The following CUL5 variants were observed in gnomAD, a reference collection of about 807,000 sequenced individuals.
CUL5 encodes cullin 5.
In CUL5, 26 loss-of-function variants were observed where a neutral mutation model predicts 108.8. The observed-to-expected ratio is 0.24, with a 90% CI of 0.18 to 0.33. The LOEUF (loss-of-function observed/expected upper bound fraction) is 0.33, where lower values mean the gene tolerates loss of function less well. CUL5 is among the 10% of genes least tolerant of loss of function. CUL5 has a pLI of 1.00. For missense variants in CUL5, 524 were observed against 909.2 expected (o/e 0.58, Z 5.45); for synonymous variants, 334 against 298.0 (o/e 1.12, Z -1.25).
chr11:108,071,888 AT>A (rs945667876), intron 8 of CUL5, among the ~76,000 whole-genome samples: 5 of 152,034 alleles, frequency 3.3e-5, no homozygotes, highest in Non-Finnish European at 7.4e-5. Context: ...TTTAAACATA[AT>A]TTTTAGACTA....
chr11:108,081,227 G>A (rs954149922), intron 11 of CUL5, among the ~76,000 whole-genome samples: 4 of 151,954 alleles, frequency 2.6e-5, no homozygotes, highest in East Asian at 3.9e-4. Context: ...GGTGGAGGTC[G>A]CAGTGAGCCG....
chr11:108,086,002 A>G (rs1269072202), intron 11 of CUL5, among the ~76,000 whole-genome samples: 4 of 152,248 alleles, frequency 2.6e-5, no homozygotes, highest in East Asian at 3.8e-4. Flanking sequence ...ATAAATAGCA[A>G]TGAAGATATA....
Position 108,106,279 on chromosome 11 carries a change from C to A in CUL5, c.*1895C>A, listed in dbSNP as rs1231545675. 6.6e-6 allele frequency: 1 copy of A among 152,438 alleles called. No individual in the cohort carries two copies. Among genetic ancestry groups the A allele is most frequent in the Non-Finnish European group, 1.5e-5 (1 of 67,966 alleles). The allele number at this position is 152,438 out of a possible 1,614,324, so 9.4% of individuals were successfully genotyped here. On this transcript the variant is annotated 3_prime_UTR_variant, in exon 19 of 19. Coordinates refer to ENST00000393094, the MANE Select transcript of CUL5 (RefSeq NM_003478.6). ...AGGAGGAAACAGGAAAAATTGCCGT[C>A]CATTTTAAAAATTTAGGTTTGTTGT...
chr11:108,033,157 C>A (rs1304869440), intron 1 of CUL5, among the ~76,000 whole-genome samples: 1 of 152,130 alleles, frequency 6.6e-6, no homozygotes, highest in African/African-American at 2.4e-5. Flanking sequence ...GTTCCAAATG[C>A]GAGCTTATCT....
Position 108,105,175 on chromosome 11 carries a change from T to C in CUL5, c.*791T>C, listed in dbSNP as rs573596491. The C allele has an allele frequency of 1.3e-5, 2 of 152,308 alleles. No individual in the cohort carries two copies. Among genetic ancestry groups the C allele is most frequent in the African/African-American group, 4.8e-5 (2 of 41,558 alleles). 9.4% of individuals were successfully genotyped at this position (152,308 alleles called of 1,614,324 possible). A position where few individuals can be genotyped will look rare whatever the true frequency, so the allele number is the denominator to read the frequency against. Reference sequence around the variant, plus strand: ...ATTTATGGAGATAGGTAGGTCATTATGATTGCAGAGCCAAAATAGCAAAAC... The same window carrying C: ...ATTTATGGAGATAGGTAGGTCATTACGATTGCAGAGCCAAAATAGCAAAAC... On this transcript the variant is annotated 3_prime_UTR_variant, in exon 19 of 19. Transcript: ENST00000393094.
chr11:108,042,511 T>G (rs773702013), intron 2 of CUL5, among the ~76,000 whole-genome samples: 1 of 152,088 alleles, frequency 6.6e-6, no homozygotes, highest in Non-Finnish European at 1.5e-5. Flanking sequence ...CTTGAGCCAC[T>G]GCACCTGGCC....
intron 1 of CUL5, among the ~76,000 whole-genome samples, chr11:108,016,237 C>G (rs1455557643): frequency 7.8e-6 from 1 of 128,530 alleles, no homozygotes; most frequent in East Asian, 2.0e-4. Flanking sequence ...TTTCTTTTCT[C>G]TTCTCTTCTC....
At position 108,054,893 on chromosome 11, in the gene CUL5, G is replaced by A; in HGVS notation, c.718G>A (p.Glu240Lys). The change falls in exon 7 of 19, where the codon GAA becomes AAA. Residue 240 changes from glutamate (E) to lysine (K), a missense_variant. Glu to Lys is a moderately conservative substitution (Grantham distance 56). Transcript: ENST00000393094. ...TGGACAGGCAGATGCTAAATTAAAA[G>A]AAGAAGAAAAACGAGCACTACGTTA... ...YMKYADAKLK[E>K]EEKRALRYLE... The A allele has an allele frequency of 6.2e-7, 1 of 1,608,306 alleles. No homozygotes were observed.
At chr11:108,096,623 A>G (rs138193887) in intron 16 of CUL5, among the ~76,000 whole-genome samples, 8,391 of 123,782 alleles carry the variant, frequency 0.068, 353 homozygotes, top group Middle Eastern at 0.11. Flanking sequence ...CTGGAGTGCA[A>G]TGGCGCAATC....
At chr11:108,020,723 C>G (rs1173611017) in intron 1 of CUL5, among the ~76,000 whole-genome samples, 2 of 151,818 alleles carry the variant, frequency 1.3e-5, no homozygotes, top group Non-Finnish European at 2.9e-5. Context: ...ACAAAAAAGT[C>G]AAAGTTTCCC....
At chr11:108,080,439 A>G (rs944689178) in intron 11 of CUL5, among the ~76,000 whole-genome samples, 3 of 151,842 alleles carry the variant, frequency 2.0e-5, no homozygotes, top group Non-Finnish European at 4.4e-5. Flanking sequence ...CTCTATCTCC[A>G]GGCTGGAGTG....
rs565123064 is a variant in CUL5 at position 108,094,849 on chromosome 11, C to T, written c.1605C>T (p.Ala535=). ...ATATAAAAATTCTGAATGCTGGCGC[C>T]TGGTCAAGAAGTTCTGAGAAAGTCT... ...SVNIKILNAG[A]WSRSSEKVFV... is the part of the protein sequence containing the mutation. Residue 535 remains alanine (A), a synonymous_variant, in exon 15 of 19, where the codon GCC becomes GCT. Transcript: ENST00000393094. The T allele has an allele frequency of 1.7e-5, 28 of 1,608,238 alleles. 1 individual carries two copies. The South Asian group carries it at 2.1e-4, about 12-fold the overall frequency.
chr11:108,049,988 T>C lies in CUL5; in HGVS notation c.333T>C (p.Phe111=). The C allele has an allele frequency of 6.2e-7, 1 of 1,613,800 alleles. No homozygotes were observed. The highest frequency in any genetic ancestry group is 8.5e-7 in the Non-Finnish European group (1 of 1,179,768). The stretch of plus-strand genomic sequence containing the variant: ...AATGTGATATTTTACCAAAACCTTT[T>C]TGTCAACTAGAGATTACTTTAATGG... The part of the protein sequence containing the change: ...FTQCDILPKP[F]CQLEITLMGK... Residue 111 remains phenylalanine, a synonymous_variant, in exon 4 of 19, where the codon TTT becomes TTC. Transcript: ENST00000393094.
At position 108,073,408 on chromosome 11, in the gene CUL5, G is replaced by T; in HGVS notation, c.1024G>T (p.Glu342Ter). 6.4e-7 allele frequency: 1 copy of T among 1,561,336 alleles called. No homozygotes were observed. The highest frequency in any genetic ancestry group is 8.7e-7 in the Non-Finnish European group (1 of 1,146,156). ...TTTCTAGGACTCTGAGAAATACGTT[G>T]AGCAGTTACTTACACTATTTAATAG... ...TITTDSEKYV[E>*]QLLTLFNRFS... is the part of the protein sequence containing the mutation. Residue 342 changes from glutamate (E) to a stop codon, truncating the protein, a stop_gained, in exon 10 of 19, where the codon GAG (glutamate) becomes TAG (stop). Coordinates refer to ENST00000393094, the MANE Select transcript of CUL5 (RefSeq NM_003478.6). LOFTEE classifies it high-confidence loss of function.
intron 1 of CUL5, among the ~76,000 whole-genome samples, chr11:108,018,378 C>T (rs903727195): frequency 6.6e-6 from 1 of 152,018 alleles, no homozygotes; most frequent in Non-Finnish European, 1.5e-5. Flanking sequence ...TAAAAATACT[C>T]AGAAAAGGCT....
intron 7 of CUL5, 91 bp downstream of exon 7, chr11:108,055,046 AACAACCAACAT>A: frequency 1.1e-6 from 1 of 922,914 alleles, no homozygotes; most frequent in Non-Finnish European, 1.6e-6. Context: ...AATATTATTT[AACAACCAACAT>A]TGTTAATTGA....
At chr11:108,009,722 A>G (rs1272317575) in intron 1 of CUL5, among the ~76,000 whole-genome samples, 3 of 152,138 alleles carry the variant, frequency 2.0e-5, no homozygotes, top group Admixed American at 2.0e-4. Context: ...AGTTTCTTGT[A>G]AAGCAATGTC....
intron 7 of CUL5, among the ~76,000 whole-genome samples, chr11:108,067,803 T>G (rs1353599976): frequency 6.6e-6 from 1 of 152,204 alleles, no homozygotes; most frequent in African/African-American, 2.4e-5. Flanking sequence ...GGTGGAAGTG[T>G]TTAGTTGGGC....
At chr11:108,094,082 A>G (rs1433411535) in intron 13 of CUL5, among the ~76,000 whole-genome samples, 1 of 152,248 alleles carries the variant, frequency 6.6e-6, no homozygotes, top group Non-Finnish European at 1.5e-5. Context: ...TTTTTACTTC[A>G]TGCAGTTAAA....
Sources: gnomAD v4.1 joint callset for allele counts (sites outside exome capture counted in the v4.1 genomes callset) on GRCh38, gnomAD v4.1.1 for gene constraint, MANE v1.5 for transcripts, NCBI Gene and HGNC (gene_info 2026-07-23, HGNC 2026-07-21) for gene names.